SLCO1B1: variants seen among roughly 807,000 people sequenced by gnomAD.
The protein encoded by SLCO1B1 is OATP-2.
In SLCO1B1, 81 loss-of-function variants were observed where a neutral mutation model predicts 70.1. The ratio of observed to expected loss-of-function variants is 1.16; its 90% CI spans 0.97 to 1.39. The LOEUF is 1.39. Among genes scored for constraint, SLCO1B1 ranks in the 40% most tolerant of loss-of-function variants. The pLI is 0.00. For missense variants in SLCO1B1, 895 were observed against 799.6 expected, an observed-to-expected ratio of 1.12 and a Z score of -1.44; for synonymous variants, 283 against 271.5, an observed-to-expected ratio of 1.04 and a Z score of -0.42.
chr12:21,167,867 A>T (rs1378298929), intron 2 of SLCO1B1, among the ~76,000 whole-genome samples: 1 of 142,024 alleles, frequency 7.0e-6, no homozygotes, highest in Non-Finnish European at 1.5e-5. Context: ...CCCAGGTTGG[A>T]GTGCAGTGGT....
chr12:21,159,956 G>C (rs1259674610), intron 2 of SLCO1B1, among the ~76,000 whole-genome samples: 1 of 151,828 alleles, frequency 6.6e-6, no homozygotes, highest in Non-Finnish European at 1.5e-5. Flanking sequence ...ATGAAACACT[G>C]CTCAAAGAAA....
chr12:21,211,897 C>T (rs1399361989), intron 11 of SLCO1B1, among the ~76,000 whole-genome samples: 5 of 150,940 alleles, frequency 3.3e-5, no homozygotes, highest in Non-Finnish European at 5.9e-5. Context: ...TCTGTGGGAT[C>T]GGTGGTGATA....
At chr12:21,139,690 T>C (rs953524597) in intron 1 of SLCO1B1, among the ~76,000 whole-genome samples, 11 of 152,156 alleles carry the variant, frequency 7.2e-5, no homozygotes, top group Admixed American at 2.0e-4. Flanking sequence ...CTGCTGGACT[T>C]TCATGGGCAT....
chr12:21,133,632 TTGTC>T, intron 1 of SLCO1B1, among the ~76,000 whole-genome samples: 1 of 152,118 alleles, frequency 6.6e-6, no homozygotes, highest in Non-Finnish European at 1.5e-5. Context: ...GGCTCTCTGT[TTGTC>T]TGTTATTGGT....
At chr12:21,201,339 C>G (rs1231306495) in intron 9 of SLCO1B1, among the ~76,000 whole-genome samples, 1 of 151,978 alleles carries the variant, frequency 6.6e-6, no homozygotes, top group Non-Finnish European at 1.5e-5. Context: ...AGCAGGAGAC[C>G]AAGCTTCCAG....
intron 2 of SLCO1B1, among the ~76,000 whole-genome samples, chr12:21,159,542 A>G (rs947908324): frequency 6.6e-6 from 1 of 152,210 alleles, no homozygotes; most frequent in African/African-American, 2.4e-5. Context: ...AGAAAATATG[A>G]TAGTTTATTT....
chr12:21,184,122 T>C (rs1940936438), intron 7 of SLCO1B1, among the ~76,000 whole-genome samples: 1 of 152,202 alleles, frequency 6.6e-6, no homozygotes, highest in Middle Eastern at 3.4e-3. Context: ...AAGCCTATGA[T>C]TCATTGGAAT....
At chr12:21,154,089 C>T (rs1175021980) in intron 2 of SLCO1B1, among the ~76,000 whole-genome samples, 1 of 151,912 alleles carries the variant, frequency 6.6e-6, no homozygotes, top group Non-Finnish European at 1.5e-5. Flanking sequence ...TGGTGATTTT[C>T]CCCTTTTTTA....
intron 7 of SLCO1B1, among the ~76,000 whole-genome samples, chr12:21,182,813 C>T (rs1021474649): frequency 1.3e-5 from 2 of 152,060 alleles, no homozygotes; most frequent in South Asian, 4.1e-4. Flanking sequence ...AGGAAGAATT[C>T]TGAATCTCAG....
chr12:21,220,881 C>T (rs10841757), intron 12 of SLCO1B1, among the ~76,000 whole-genome samples: 48,269 of 150,120 alleles, frequency 0.32, 8,256 homozygotes, highest in East Asian at 0.46. Context: ...AAAAAATTAT[C>T]AATAAAACAC....
intron 2 of SLCO1B1, among the ~76,000 whole-genome samples, chr12:21,162,690 A>G (rs978701837): frequency 6.6e-6 from 1 of 152,196 alleles, no homozygotes; most frequent in African/African-American, 2.4e-5. Context: ...AATTCCCTTT[A>G]TGCTTTACTT....
chr12:21,187,138 A>G (rs1940971728), intron 7 of SLCO1B1, among the ~76,000 whole-genome samples: 1 of 152,140 alleles, frequency 6.6e-6, no homozygotes, highest in Non-Finnish European at 1.5e-5. Flanking sequence ...TTAATAAAGA[A>G]GAGAAGTGAG....
At chr12:21,213,018 A>T (rs1409645219) in intron 11 of SLCO1B1, among the ~76,000 whole-genome samples, 2 of 151,756 alleles carry the variant, frequency 1.3e-5, no homozygotes, top group East Asian at 3.9e-4. Context: ...CTCTTTATCC[A>T]ATTTGCCAGT....
At chr12:21,173,794 A>G (rs60318946) in intron 3 of SLCO1B1, among the ~76,000 whole-genome samples, 16,846 of 126,104 alleles carry the variant, frequency 0.13, 1,168 homozygotes, top group East Asian at 0.16. Flanking sequence ...TTTTTTTGAG[A>G]CGGAGTCTCG....
At position 21,224,840 on chromosome 12, in the gene SLCO1B1, G is replaced by T. The variant is rs200994482; in HGVS notation, c.1865+1G>T. 2 of 1,516,544 alleles carry T rather than the reference G, an allele frequency of 1.3e-6. No individual in the cohort carries two copies. The highest frequency in any genetic ancestry group is 2.3e-5 in the East Asian group (1 of 44,010). 93.9% of individuals were successfully genotyped at this position (1,516,544 alleles called of 1,614,324 possible). On this transcript the variant is annotated splice_donor_variant, in intron 14 of 14. Transcript: ENST00000256958. LOFTEE classifies it high-confidence loss of function. ...GGACATATAATTCCACATCATTTTCGTAAGTTGTCATAAATATATTTCATT... is the reference window on the plus strand; with the variant it reads ...GGACATATAATTCCACATCATTTTCTTAAGTTGTCATAAATATATTTCATT...
chr12:21,145,473 A>AT (rs35334634), intron 2 of SLCO1B1, among the ~76,000 whole-genome samples: 4,303 of 75,916 alleles, frequency 0.057, 822 homozygotes, highest in African/African-American at 0.22. Context: ...CATTTTTTTC[A>AT]TTTTTTTTTT....
chr12:21,233,571 C>CAAAAAAAAAAAAAA (rs60313934), intron 14 of SLCO1B1, among the ~76,000 whole-genome samples: 1 of 137,616 alleles, frequency 7.3e-6, no homozygotes, highest in Non-Finnish European at 1.6e-5. Flanking sequence ...AACAAACAAA[C>CAAAAAAAAAAAAAA]AAAAAAAAAA....
intron 2 of SLCO1B1, among the ~76,000 whole-genome samples, chr12:21,163,145 A>G (rs192348545): frequency 6.6e-6 from 1 of 152,298 alleles, no homozygotes; most frequent in East Asian, 1.9e-4. Context: ...GTATAAGCCA[A>G]TATTTTAATT....
rs757219127 is a variant in SLCO1B1, at chr12:21,239,079, A to G, written c.1966A>G (p.Ile656Val). ...AMKKKYQEKD[I>V]NASENGSVMD... ...GAAGAAAAAATATCAAGAGAAAGAT[A>G]TCAATGCATCAGAAAATGGAAGTGT... is the stretch of plus-strand genomic sequence containing the variant. The change falls in exon 15 of 15, where the codon ATC becomes GTC. Residue 656 changes from isoleucine (I) to valine (V), a missense_variant. Physicochemically the swap from Ile to Val is conservative, Grantham distance 29. Coordinates refer to ENST00000256958, the MANE Select transcript of SLCO1B1 (RefSeq NM_006446.5). 4.2e-5 allele frequency: 67 copies of G among 1,597,986 alleles called. No homozygotes were observed. Among genetic ancestry groups the G allele is most frequent in the Non-Finnish European group, 5.4e-5 (63 of 1,166,004 alleles).
Sources: gnomAD v4.1 joint callset for allele counts (sites outside exome capture counted in the v4.1 genomes callset) on GRCh38, gnomAD v4.1.1 for gene constraint, MANE v1.5 for transcripts, NCBI Gene and HGNC (gene_info 2026-07-23, HGNC 2026-07-21) for gene names.